SSBP3: variants seen among roughly 807,000 people sequenced by gnomAD.
SSBP3 encodes the protein single stranded DNA binding protein 3.
A neutral mutation model predicts 69.6 loss-of-function variants in SSBP3; 5 were observed. That is an observed-to-expected ratio of 0.07 (90% confidence interval 0.04 to 0.15). SSBP3 has a LOEUF of 0.15. SSBP3 is among the 10% of genes least tolerant of loss of function. The probability of loss-of-function intolerance (pLI) is 1.00; values close to 1 mark genes in which losing one functional copy is unlikely to be tolerated. For synonymous variants in SSBP3, 196 were observed against 193.4 expected (o/e 1.01, Z -0.11); for missense variants, 312 against 534.0 (o/e 0.58, Z 4.10).
In SSBP3 at chr1:54,257,203, T is replaced by G. The variant is rs1281302654; in HGVS notation, c.448-17A>C. On this transcript the variant is annotated splice_polypyrimidine_tract_variant and intron_variant, in intron 6 of 17. Coordinates refer to ENST00000610401, the Ensembl canonical transcript of SSBP3. ...CATAAAAGGCTGCAATTATAGGTAATTAGTTCAATGACAGCCTGCCCTACT... is the reference window on the plus strand; with the variant it reads ...CATAAAAGGCTGCAATTATAGGTAAGTAGTTCAATGACAGCCTGCCCTACT... 2 of 1,589,618 alleles carry G rather than the reference T, an allele frequency of 1.3e-6. No homozygotes were observed. The highest frequency in any genetic ancestry group is 1.7e-6 in the Non-Finnish European group (2 of 1,170,904).
chr1:54,402,258 C>A (rs1349750536), intron 3 of SSBP3, among the ~76,000 whole-genome samples: 4 of 152,160 alleles, frequency 2.6e-5, no homozygotes, highest in Admixed American at 2.6e-4. Context: ...ACACAGGGGG[C>A]AACTGAAGCT....
intron 4 of SSBP3, among the ~76,000 whole-genome samples, chr1:54,291,428 G>A (rs1251186090): frequency 6.6e-6 from 1 of 152,286 alleles, no homozygotes; most frequent in Non-Finnish European, 1.5e-5. Context: ...CCTTGGCCAG[G>A]AGGGAAGGCA....
At chr1:54,303,011 C>A (rs990762638) in intron 4 of SSBP3, among the ~76,000 whole-genome samples, 2 of 152,182 alleles carry the variant, frequency 1.3e-5, no homozygotes, top group Non-Finnish European at 2.9e-5. Flanking sequence ...GAGACAGACA[C>A]GTGAAACAAT....
intron 4 of SSBP3, among the ~76,000 whole-genome samples, chr1:54,294,012 C>T (rs1035108308): frequency 1.3e-5 from 2 of 151,538 alleles, no homozygotes; most frequent in African/African-American, 4.8e-5. Context: ...TGGTGGTGGG[C>T]GCCTGTAATC....
intron 4 of SSBP3, among the ~76,000 whole-genome samples, chr1:54,384,543 A>G (rs1053947838): frequency 2.6e-5 from 4 of 152,242 alleles, no homozygotes; most frequent in African/African-American, 9.6e-5. Context: ...TATTAGAAGC[A>G]TCTTAGAATT....
rs146457984 is a variant in SSBP3 at position 54,404,915 on chromosome 1, G to A, written c.72C>T (p.Val24=). ...CTCCTACGTGCAGTAAATATTCGTA[G>A]ACGTATAAAGCTAACCTGGAAAGTG... Residue 24 remains valine, a synonymous_variant, in exon 2 of 18, where the codon GTC becomes GTT. Coordinates refer to ENST00000610401, the Ensembl canonical transcript of SSBP3. 2.2e-4 allele frequency: 354 copies of A among 1,612,722 alleles called. 4 individuals are homozygous for A. In the South Asian group the frequency reaches 3.6e-3, roughly 16 times the overall value.
Position 54,251,990 on chromosome 1 carries a change from T to G in SSBP3, c.508-130A>C, listed in dbSNP as rs112223210. 3,503 of 758,212 alleles carry G rather than the reference T, an allele frequency of 4.6e-3. 64 individuals carry two copies. In the African/African-American group the frequency reaches 0.047, roughly 10 times the overall value. 47.0% of individuals were successfully genotyped at this position (758,212 alleles called of 1,614,324 possible). Reference sequence around the variant, plus strand: ...CCACTCATGGCCTCCCTGAGACTTCTGCTGCCTGCCAGTGGGAGAAGGTTA... The same window carrying G: ...CCACTCATGGCCTCCCTGAGACTTCGGCTGCCTGCCAGTGGGAGAAGGTTA... On this transcript the variant is annotated intron_variant, in intron 7 of 17. Transcript: ENST00000610401.
intron 5 of SSBP3, among the ~76,000 whole-genome samples, chr1:54,263,867 C>G (rs1246377854): frequency 6.6e-6 from 1 of 152,196 alleles, no homozygotes; most frequent in African/African-American, 2.4e-5. Context: ...CATCTAACAC[C>G]TTGGGGCTCA....
chr1:54,295,175 G>A (rs1468223696), intron 4 of SSBP3, among the ~76,000 whole-genome samples: 1 of 152,140 alleles, frequency 6.6e-6, no homozygotes, highest in African/African-American at 2.4e-5. Flanking sequence ...AGAGCAGAGA[G>A]ACCAGGATCC....
At chr1:54,362,249 A>G (rs149537570) in intron 4 of SSBP3, among the ~76,000 whole-genome samples, 1 of 152,200 alleles carries the variant, frequency 6.6e-6, no homozygotes, top group Non-Finnish European at 1.5e-5. Context: ...CGAGCTCAGT[A>G]ACCCTGCCAG....
At chr1:54,318,427 G>A (rs1047097915) in intron 4 of SSBP3, among the ~76,000 whole-genome samples, 16 of 152,152 alleles carry the variant, frequency 1.1e-4, no homozygotes, top group Admixed American at 5.2e-4. Context: ...GATCACCAGG[G>A]TAGGATTAAG....
In SSBP3 at chr1:54,259,958, G is replaced by A. The variant is rs185846917; in HGVS notation, c.367-1809C>T. Among the ~76,000 whole-genome samples the A allele has an allele frequency of 2.0e-5, 3 of 152,332 alleles. No homozygotes were observed. In the East Asian group the frequency reaches 5.8e-4, roughly 29 times the overall value. On this transcript the variant is annotated intron_variant, in intron 5 of 17. Transcript: ENST00000610401. ...TTAACAGACATTAATTAGCCATTTA[G>A]CAATTTTGCAAGCATTTGTTTAGCG...
At chr1:54,230,994 G>A (rs866440189) in intron 14 of SSBP3, among the ~76,000 whole-genome samples, 4 of 152,218 alleles carry the variant, frequency 2.6e-5, no homozygotes, top group African/African-American at 9.6e-5. Context: ...TGTCTGCCGT[G>A]TGGACATACG....
chr1:54,227,922 C>G (rs996457875), intron 17 of SSBP3, among the ~76,000 whole-genome samples: 3 of 152,200 alleles, frequency 2.0e-5, no homozygotes, highest in Non-Finnish European at 4.4e-5. Context: ...GTTGGCTGCA[C>G]GAACCTTTCC....
At chr1:54,377,906 ATTATT>A (rs1269111218) in intron 4 of SSBP3, among the ~76,000 whole-genome samples, 1 of 152,186 alleles carries the variant, frequency 6.6e-6, no homozygotes, top group Middle Eastern at 3.2e-3. Context: ...TATCTGCTAT[ATTATT>A]TTAAACATGT....
chr1:54,400,159 ACAC>A (rs1464049109), intron 4 of SSBP3, among the ~76,000 whole-genome samples: 1 of 152,214 alleles, frequency 6.6e-6, no homozygotes, highest in African/African-American at 2.4e-5. Flanking sequence ...ATGGAAGACG[ACAC>A]CACAAGTTGC....
At chr1:54,387,366 C>T (rs1648169685) in intron 4 of SSBP3, among the ~76,000 whole-genome samples, 2 of 152,340 alleles carry the variant, frequency 1.3e-5, no homozygotes, top group South Asian at 2.1e-4. Flanking sequence ...CATGCCTCTT[C>T]AAGAAAGGAA....
At chr1:54,400,587 T>G (rs1649224888) in intron 4 of SSBP3, among the ~76,000 whole-genome samples, 2 of 152,228 alleles carry the variant, frequency 1.3e-5, no homozygotes, top group Admixed American at 6.5e-5. Flanking sequence ...ATTCATCAGC[T>G]TCTCTTTTTC....
At chr1:54,250,764 C>T (rs1188259935) in intron 9 of SSBP3, among the ~76,000 whole-genome samples, 1 of 152,192 alleles carries the variant, frequency 6.6e-6, no homozygotes. Context: ...ATCGCGAACG[C>T]TCTGCCACGG....
Sources: allele counts gnomAD v4.1 joint callset (sites outside exome capture counted in the v4.1 genomes callset), GRCh38; gene constraint gnomAD v4.1.1; transcripts MANE v1.5; gene names NCBI Gene and HGNC (gene_info 2026-07-23, HGNC 2026-07-21).